The following NLGN1 variants were observed in gnomAD, a reference collection of about 807,000 sequenced individuals.
NLGN1 encodes the protein neuroligin-1.
Under a neutral mutation model 65.5 loss-of-function variants are expected in NLGN1, and 12 were observed. The observed-to-expected ratio is 0.18, with a 90% CI of 0.12 to 0.30. The LOEUF (loss-of-function observed/expected upper bound fraction) is 0.30, where lower values mean the gene tolerates loss of function less well. NLGN1 is among the 10% of genes least tolerant of loss of function. The probability of loss-of-function intolerance (pLI) is 1.00; values close to 1 mark genes in which losing one functional copy is unlikely to be tolerated. For synonymous variants in NLGN1, 350 were observed against 359.5 expected (o/e 0.97, Z 0.30); for missense variants, 750 against 1,007.1 (o/e 0.74, Z 3.46).
intron 2 of NLGN1, among the ~76,000 whole-genome samples, chr3:173,563,515 C>T (rs1743125637): frequency 6.6e-6 from 1 of 152,150 alleles, no homozygotes. Context: ...AAGAAAGCAA[C>T]AACTTTATCT....
intron 4 of NLGN1, among the ~76,000 whole-genome samples, chr3:173,907,741 C>T (rs1206341079): frequency 1.3e-5 from 2 of 152,018 alleles, no homozygotes; most frequent in African/African-American, 2.4e-5. Flanking sequence ...TGCTTCACCA[C>T]CCCCGGCTAA....
intron 4 of NLGN1, among the ~76,000 whole-genome samples, chr3:174,171,123 T>A (rs562741347): frequency 6.6e-6 from 1 of 152,264 alleles, no homozygotes; most frequent in South Asian, 2.1e-4. Context: ...TTTTAAGAAA[T>A]CAGTTTCAAA....
chr3:173,890,728 T>G (rs558071247), intron 4 of NLGN1, among the ~76,000 whole-genome samples: 1 of 152,168 alleles, frequency 6.6e-6, no homozygotes, highest in African/African-American at 2.4e-5. Context: ...CTCCTAGTTA[T>G]AAACCCATCC....
intron 4 of NLGN1, among the ~76,000 whole-genome samples, chr3:174,273,604 T>G (rs890520745): frequency 6.6e-6 from 1 of 151,738 alleles, no homozygotes. Context: ...AAAAATTTCC[T>G]TAAATTATTA....
chr3:173,554,166 T>C (rs1741346393), intron 2 of NLGN1, among the ~76,000 whole-genome samples: 1 of 152,178 alleles, frequency 6.6e-6, no homozygotes, highest in Non-Finnish European at 1.5e-5. Context: ...CTATAAAGCT[T>C]CCAGATAGTA....
intron 3 of NLGN1, among the ~76,000 whole-genome samples, chr3:173,713,057 T>C (rs912084496): frequency 6.6e-6 from 1 of 152,152 alleles, no homozygotes; most frequent in Non-Finnish European, 1.5e-5. Flanking sequence ...AGTTAACTCA[T>C]GATTTCAAAT....
At chr3:173,682,445 C>T (rs549511183) in intron 3 of NLGN1, among the ~76,000 whole-genome samples, 11 of 151,730 alleles carry the variant, frequency 7.2e-5, no homozygotes, top group African/African-American at 2.2e-4. Flanking sequence ...AAAAATTAGC[C>T]GGGTATGGTG....
chr3:173,995,089 C>G (rs1721986632), intron 4 of NLGN1, among the ~76,000 whole-genome samples: 1 of 152,138 alleles, frequency 6.6e-6, no homozygotes, highest in African/African-American at 2.4e-5. Context: ...AATTATCCAG[C>G]CTGCTAGCCC....
At chr3:173,946,913 C>T (rs930789891) in intron 4 of NLGN1, among the ~76,000 whole-genome samples, 1 of 152,140 alleles carries the variant, frequency 6.6e-6, no homozygotes, top group African/African-American at 2.4e-5. Flanking sequence ...TAAGTGAGGG[C>T]TCTAGGGCAT....
intron 4 of NLGN1, among the ~76,000 whole-genome samples, chr3:174,066,022 T>A (rs1227472779): frequency 6.6e-6 from 1 of 152,226 alleles, no homozygotes; most frequent in Non-Finnish European, 1.5e-5. Context: ...AGTTTTGGGT[T>A]AATTTGTTAC....
rs552046848 is a variant in NLGN1 at position 174,250,054 on chromosome 3, C to CA, written c.647-25253dup. On this transcript the variant is annotated intron_variant, in intron 4 of 6. Coordinates refer to ENST00000457714, the Ensembl canonical transcript of NLGN1. ...TGTTACAGCAGAGGAATATTTTGTT[C>CA]AAAAAAAAGATCATACATAAAGCCA... Among the ~76,000 whole-genome samples, 314 of 151,494 alleles carry CA rather than the reference C, an allele frequency of 2.1e-3. 2 individuals carry two copies. The highest frequency in any genetic ancestry group is 3.4e-3 in the Middle Eastern group (1 of 294).
At chr3:173,848,383 T>G (rs1235258598) in intron 4 of NLGN1, among the ~76,000 whole-genome samples, 1 of 152,220 alleles carries the variant, frequency 6.6e-6, no homozygotes, top group African/African-American at 2.4e-5. Context: ...AGCAGAGATA[T>G]GATTCAGTCC....
At chr3:174,002,083 C>A (rs1482719268) in intron 4 of NLGN1, among the ~76,000 whole-genome samples, 1 of 150,240 alleles carries the variant, frequency 6.7e-6, no homozygotes, top group Non-Finnish European at 1.5e-5. Flanking sequence ...AAGATTAGGG[C>A]CCTACTCAAA....
intron 2 of NLGN1, among the ~76,000 whole-genome samples, chr3:173,496,985 T>TC (rs1730133744): frequency 6.6e-6 from 1 of 151,886 alleles, no homozygotes; most frequent in South Asian, 2.1e-4. Flanking sequence ...AAAAGAAAGT[T>TC]TTGCAGTGGT....
chr3:173,659,792 G>A (rs1049075400), intron 3 of NLGN1, among the ~76,000 whole-genome samples: 5 of 151,606 alleles, frequency 3.3e-5, no homozygotes, highest in South Asian at 2.1e-4. Flanking sequence ...TTTAGAAGGG[G>A]GTGGTGGTTT....
intron 4 of NLGN1, among the ~76,000 whole-genome samples, chr3:174,147,983 A>G (rs1360210230): frequency 6.6e-6 from 1 of 152,198 alleles, no homozygotes; most frequent in Non-Finnish European, 1.5e-5. Context: ...ACAAATTTGC[A>G]TGCCCCAATT....
intron 2 of NLGN1, among the ~76,000 whole-genome samples, chr3:173,442,165 G>A (rs1719320165): frequency 6.6e-6 from 1 of 152,074 alleles, no homozygotes; most frequent in Non-Finnish European, 1.5e-5. Flanking sequence ...CTGTTACGCA[G>A]TTTTCAATGT....
chr3:173,870,616 G>A (rs1333122164), intron 4 of NLGN1, among the ~76,000 whole-genome samples: 4 of 152,154 alleles, frequency 2.6e-5, no homozygotes, highest in African/African-American at 9.7e-5. Flanking sequence ...CAATAGAATG[G>A]TTAAAAAGAG....
chr3:174,085,172 G>T (rs1742997264), intron 4 of NLGN1, among the ~76,000 whole-genome samples: 1 of 149,762 alleles, frequency 6.7e-6, no homozygotes, highest in Non-Finnish European at 1.5e-5. Flanking sequence ...AAAATGTTAG[G>T]TGTAGTTGTT....
Sources: gnomAD v4.1 joint callset for allele counts (sites outside exome capture counted in the v4.1 genomes callset) on GRCh38, gnomAD v4.1.1 for gene constraint, MANE v1.5 for transcripts, NCBI Gene and HGNC (gene_info 2026-07-23, HGNC 2026-07-21) for gene names.